The following TRIM43 variants were observed in gnomAD, a reference collection of about 807,000 sequenced individuals.
TRIM43 encodes the protein tripartite motif containing 43.
A neutral mutation model predicts 27.7 loss-of-function variants in TRIM43; 12 were observed. The observed-to-expected ratio is 0.43, with a 90% CI of 0.28 to 0.70. TRIM43 has a LOEUF of 0.70. TRIM43 is among the 30% of genes least tolerant of loss of function. The pLI is 0.17. For synonymous variants in TRIM43, 64 were observed against 121.9 expected (o/e 0.52, Z 3.13); for missense variants, 186 against 356.5 (o/e 0.52, Z 3.85).
At chr2:95,592,345 G>A (rs1295355698) in intron 1 of TRIM43, among the ~76,000 whole-genome samples, 196 bp downstream of exon 1, 2 of 151,492 alleles carry the variant, frequency 1.3e-5, no homozygotes, top group South Asian at 2.1e-4. Context: ...TTAAACATGG[G>A]CCACCATGTT....
chr2:95,592,202 A>ATTTATCTG lies in TRIM43; in HGVS notation c.-5+53_-5+54insTTTATCTG. ...CTACTATTAGGAGCTACAAACCAAA[A>ATTTATCTG]CAAAATTTGGGGACTTTAATTTATC... On this transcript the variant is annotated intron_variant, in intron 1 of 6. Coordinates refer to ENST00000272395, the MANE Select transcript of TRIM43 (RefSeq NM_138800.3). 2 of 151,852 alleles carry ATTTATCTG rather than the reference A, an allele frequency of 1.3e-5. 1 individual carries two copies. The highest frequency in any genetic ancestry group is 4.1e-4 in the South Asian group (2 of 4,834). The allele number at this position is 151,852 out of a possible 1,614,324, so 9.4% of individuals were successfully genotyped here. A position where few individuals can be genotyped will look rare whatever the true frequency, so the allele number is the denominator to read the frequency against.
At position 95,594,437 on chromosome 2, in the gene TRIM43, A is replaced by G. The variant is rs1228480610; in HGVS notation, c.411+3A>G. 1 of 1,610,548 alleles carries G rather than the reference A, an allele frequency of 6.2e-7. No individual in the cohort carries two copies. The highest frequency in any genetic ancestry group is 8.5e-7 in the Non-Finnish European group (1 of 1,179,436). ...AAGAGGCAGCTGAGGAACACCGGGT[A>G]AGAGATAGCTCTGTGATCACCTGAA... On this transcript the variant is annotated splice_donor_region_variant and intron_variant, in intron 2 of 6. Coordinates refer to ENST00000272395, the MANE Select transcript of TRIM43 (RefSeq NM_138800.3).
intron 3 of TRIM43, among the ~76,000 whole-genome samples, chr2:95,595,906 A>T (rs1041744545): frequency 4.0e-5 from 6 of 151,524 alleles, no homozygotes; most frequent in Non-Finnish European, 7.4e-5. Context: ...TGAAACAACA[A>T]CCTAAGTGAA....
In TRIM43 at chr2:95,595,101, CAG is replaced by C; in HGVS notation, c.467_468del (p.Arg156LysfsTer4). ...TTTATGGAAAAAGATTCAAGAAAAT[CAG>C]AGAAATCTATATGAGGAGGGAAGAA... ...RILWKKIQEN[Q>X]RNLYEEGRTA... On this transcript the variant is annotated frameshift_variant, in exon 3 of 7. Transcript: ENST00000272395. LOFTEE classifies it high-confidence loss of function. The C allele has an allele frequency of 6.2e-7, 1 of 1,612,232 alleles. No homozygotes were observed. The highest frequency in any genetic ancestry group is 1.1e-5 in the South Asian group (1 of 90,888).
chr2:95,595,252 T>C, intron 3 of TRIM43, 107 bp downstream of exon 3: 3 of 821,332 alleles, frequency 3.7e-6, no homozygotes, highest in Non-Finnish European at 5.6e-6. Context: ...TTGTCATGTG[T>C]TTATTCATAG....
chr2:95,594,513 G>A, intron 2 of TRIM43, 79 bp downstream of exon 2: 2 of 1,562,150 alleles, frequency 1.3e-6, no homozygotes, highest in Admixed American at 1.8e-5. Flanking sequence ...GAGAATCATG[G>A]TGATTACTCC....
chr2:95,592,822 G>T lies in TRIM43; in HGVS notation c.-5+673G>T, dbSNP rs189369187. Reference sequence around the variant, plus strand: ...AGGCTTGAGTCACCTTCCCTGGCTTGGTTTTTATTTTTATTTGTATTTTAG... The same window carrying T: ...AGGCTTGAGTCACCTTCCCTGGCTTTGTTTTTATTTTTATTTGTATTTTAG... On this transcript the variant is annotated intron_variant, in intron 1 of 6. Transcript: ENST00000272395. 6.5e-3 allele frequency among the ~76,000 whole-genome samples: 983 copies of T among 151,094 alleles called. 25 individuals are homozygous for T. Among genetic ancestry groups the T allele is most frequent in the African/African-American group, 0.023 (934 of 41,092 alleles).
chr2:95,592,896 G>GT lies in TRIM43; in HGVS notation c.-5+759dup, dbSNP rs766863867. On this transcript the variant is annotated intron_variant, in intron 1 of 6. Transcript: ENST00000272395. Reference sequence around the variant, plus strand: ...ACTTACTGTCTAGTGCCTAGTTTTTGTTTTTTTTTTTTAGAGGGGAGACAG... The same window carrying GT: ...ACTTACTGTCTAGTGCCTAGTTTTTGTTTTTTTTTTTTTAGAGGGGAGACAG... Among the ~76,000 whole-genome samples, 470 of 139,638 alleles carry GT rather than the reference G, an allele frequency of 3.4e-3. 2 individuals carry two copies. The highest frequency in any genetic ancestry group is 5.0e-3 in the East Asian group (24 of 4,830). 91.6% of individuals were successfully genotyped at this position (139,638 alleles called of 152,430 possible).
At position 95,596,203 on chromosome 2, in the gene TRIM43, G is replaced by A. The variant is rs771822193; in HGVS notation, c.509G>A (p.Gly170Asp). 6 of 1,610,142 alleles carry A rather than the reference G, an allele frequency of 3.7e-6. No individual in the cohort carries two copies. The highest frequency in any genetic ancestry group is 5.1e-6 in the Non-Finnish European group (6 of 1,178,552). ...EEGRTAFLWR[G>D]NVVLRAQMIR... ...CCTACAAAATTCATATCCCTACAGG[G>A]CAATGTGGTTTTACGGGCACAGATG... The change falls in exon 4 of 7, where the codon GGC (glycine) becomes GAC (aspartate). Residue 170 changes from glycine to aspartate, a missense_variant and splice_region_variant. Transcript: ENST00000272395.
intron 1 of TRIM43, among the ~76,000 whole-genome samples, chr2:95,592,836 T>C (rs1285535201): frequency 6.6e-6 from 1 of 151,536 alleles, no homozygotes; most frequent in Non-Finnish European, 1.5e-5. Flanking sequence ...TTTATTTTTA[T>C]TTGTATTTTA....
chr2:95,594,421 C>G lies in TRIM43; in HGVS notation c.398C>G (p.Ala133Gly). ...AAACACCATCCCATCGAAGAGGCAGCTGAGGAACACCGGGTAAGAGATAGC... is the reference window on the plus strand; with the variant it reads ...AAACACCATCCCATCGAAGAGGCAGGTGAGGAACACCGGGTAAGAGATAGC... ...AHKHHPIEEA[A>G]EEHREKLLKQ... The change falls in exon 2 of 7, where the codon GCT becomes GGT. Residue 133 changes from alanine (A) to glycine (G), a missense_variant. This residue lies in a region of TRIM43 where 91 missense variants were observed against 119.3 expected (regional missense o/e 0.76). Coordinates refer to ENST00000272395, the MANE Select transcript of TRIM43 (RefSeq NM_138800.3). 1 of 1,610,936 alleles carries G rather than the reference C, an allele frequency of 6.2e-7. No individual in the cohort carries two copies. Among genetic ancestry groups the G allele is most frequent in the Non-Finnish European group, 8.5e-7 (1 of 1,179,520 alleles).
chr2:95,592,458 T>G (rs1405226572), intron 1 of TRIM43, among the ~76,000 whole-genome samples: 6 of 151,712 alleles, frequency 4.0e-5, no homozygotes, highest in African/African-American at 1.5e-4. Flanking sequence ...AACCTCCGCC[T>G]TCCAGGTTCA....
intron 2 of TRIM43, 123 bp from the exon 3 acceptor site, chr2:95,594,927 A>G (rs1203172673): frequency 1.1e-6 from 1 of 889,380 alleles, no homozygotes; most frequent in Non-Finnish European, 1.7e-6. Flanking sequence ...GCAATGAAAA[A>G]TTTTGTTTTT....
intron 1 of TRIM43, among the ~76,000 whole-genome samples, chr2:95,593,495 G>A (rs1012817594): frequency 1.3e-5 from 2 of 151,746 alleles, no homozygotes; most frequent in Non-Finnish European, 2.9e-5. Context: ...GAGAGTAAAG[G>A]CTAGCTTTTT....
Position 95,592,052 on chromosome 2 carries a change from C to A in TRIM43, c.-102C>A, listed in dbSNP as rs1167304644. On this transcript the variant is annotated 5_prime_UTR_variant, in exon 1 of 7. Transcript: ENST00000272395. Reference sequence around the variant, plus strand: ...CTTTGCAACTGGCTTTGGGGACTTCCGAAAGCTACCAGCACTGCACTGTGA... The same window carrying A: ...CTTTGCAACTGGCTTTGGGGACTTCAGAAAGCTACCAGCACTGCACTGTGA... 6.6e-6 allele frequency: 1 copy of A among 151,316 alleles called. No homozygotes were observed. 9.4% of individuals were successfully genotyped at this position (151,316 alleles called of 1,614,324 possible). A position where few individuals can be genotyped will look rare whatever the true frequency, so the allele number is the denominator to read the frequency against.
chr2:95,595,252 T>G, intron 3 of TRIM43, 107 bp downstream of exon 3: 1 of 821,332 alleles, frequency 1.2e-6, no homozygotes, highest in Non-Finnish European at 1.9e-6. Context: ...TTGTCATGTG[T>G]TTATTCATAG....
At chr2:95,595,326 A>G (rs1685337439) in intron 3 of TRIM43, among the ~76,000 whole-genome samples, 181 bp downstream of exon 3, 1 of 151,718 alleles carries the variant, frequency 6.6e-6, no homozygotes, top group Admixed American at 6.6e-5. Context: ...TGCTTTTCAG[A>G]TAAGTAAAAA....
chr2:95,594,940 C>G (rs1394243827), intron 2 of TRIM43, 110 bp from the exon 3 acceptor site: 1 of 1,196,216 alleles, frequency 8.4e-7, no homozygotes, highest in Non-Finnish European at 1.1e-6. Flanking sequence ...TTGTTTTTTT[C>G]TCCTCTCACT....
chr2:95,594,348 A>G lies in TRIM43; in HGVS notation c.325A>G (p.Ser109Gly). 1 of 1,610,698 alleles carries G rather than the reference A, an allele frequency of 6.2e-7. No individual in the cohort carries two copies. The highest frequency in any genetic ancestry group is 2.2e-5 in the East Asian group (1 of 44,840). ...GAAGATGTTCTGTGACATGGACAAGAGTCTCCTCTGCTTGCTGTGCTCCAA... is the reference window on the plus strand; with the variant it reads ...GAAGATGTTCTGTGACATGGACAAGGGTCTCCTCTGCTTGCTGTGCTCCAA... ...TKKMFCDMDKSLLCLLCSNSQ... is the reference protein window; with the variant it reads ...TKKMFCDMDKGLLCLLCSNSQ... The change falls in exon 2 of 7, where the codon AGT becomes GGT. Residue 109 changes from serine to glycine, a missense_variant. By Grantham distance (56) the Ser-to-Gly change is moderately conservative. This residue lies in a region of TRIM43 where 91 missense variants were observed against 119.3 expected (regional missense o/e 0.76). Transcript: ENST00000272395.
Sources: allele counts gnomAD v4.1 joint callset (sites outside exome capture counted in the v4.1 genomes callset), GRCh38; gene constraint gnomAD v4.1.1; regional missense constraint gnomAD v4.1.1; transcripts MANE v1.5; gene names NCBI Gene and HGNC (gene_info 2026-07-23, HGNC 2026-07-21).